The following RAB31 variants were observed in gnomAD, a reference collection of about 807,000 sequenced individuals.
RAB31 encodes the protein RAB31, member RAS oncogene family.
Under a neutral mutation model 25.6 loss-of-function variants are expected in RAB31, and 21 were observed. The ratio of observed to expected loss-of-function variants is 0.82; its 90% CI spans 0.58 to 1.18. The LOEUF (loss-of-function observed/expected upper bound fraction) is 1.18. RAB31 is among the 50% of genes most tolerant of loss of function. The probability of loss-of-function intolerance (pLI) is 0.00; values close to 1 mark genes in which losing one functional copy is unlikely to be tolerated. For missense variants in RAB31, 196 were observed against 250.1 expected (o/e 0.78, Z 1.46); for synonymous variants, 87 against 84.0 (o/e 1.04, Z -0.20).
chr18:9,851,843 A>G (rs1462158304), intron 6 of RAB31, among the ~76,000 whole-genome samples: 2 of 152,062 alleles, frequency 1.3e-5, no homozygotes, highest in South Asian at 2.1e-4. Context: ...ATTTCACAAT[A>G]TATCTCATAT....
At chr18:9,802,432 T>C (rs1221370574) in intron 3 of RAB31, among the ~76,000 whole-genome samples, 1 of 152,172 alleles carries the variant, frequency 6.6e-6, no homozygotes, top group East Asian at 1.9e-4. Flanking sequence ...CCCAGTACTT[T>C]GGGAGGCCAA....
At chr18:9,761,607 A>G (rs1035404486) in intron 1 of RAB31, among the ~76,000 whole-genome samples, 6 of 152,112 alleles carry the variant, frequency 3.9e-5, no homozygotes, top group Non-Finnish European at 8.8e-5. Flanking sequence ...TCATGATGGA[A>G]CCGGGGCAGG....
At chr18:9,712,727 TGC>T (rs1186764155) in intron 1 of RAB31, among the ~76,000 whole-genome samples, 5 of 820 alleles carry the variant, frequency 6.1e-3, no homozygotes, top group East Asian at 0.12. Context: ...GGTATTTGTG[TGC>T]GTGCACTTAA....
intron 3 of RAB31, among the ~76,000 whole-genome samples, chr18:9,796,265 C>T (rs80041781): frequency 0.014 from 2,102 of 152,226 alleles, 47 homozygotes; most frequent in African/African-American, 0.048. Context: ...AAAAACTACA[C>T]ACTGGGTACA....
chr18:9,718,374 G>A (rs750578421), intron 1 of RAB31, among the ~76,000 whole-genome samples: 6 of 151,934 alleles, frequency 3.9e-5, no homozygotes, highest in Non-Finnish European at 5.9e-5. Context: ...GTTCTCTTGC[G>A]TCAGCCTCCC....
At chr18:9,849,046 C>G (rs1163264435) in intron 6 of RAB31, among the ~76,000 whole-genome samples, 1 of 152,128 alleles carries the variant, frequency 6.6e-6, no homozygotes, top group African/African-American at 2.4e-5. Flanking sequence ...TCCAGGCACC[C>G]TTTTCTAAAT....
intron 1 of RAB31, among the ~76,000 whole-genome samples, chr18:9,718,976 T>C (rs561699906): frequency 4.6e-5 from 7 of 152,006 alleles, no homozygotes; most frequent in Admixed American, 4.6e-4. Flanking sequence ...TGCATGCTAA[T>C]TACAATTTGA....
At chr18:9,737,771 G>A (rs914699298) in intron 1 of RAB31, among the ~76,000 whole-genome samples, 3 of 152,206 alleles carry the variant, frequency 2.0e-5, no homozygotes, top group African/African-American at 7.2e-5. Flanking sequence ...CTCAAGTAAT[G>A]ATGGTTGGTT....
At position 9,792,230 on chromosome 18, in the gene RAB31, G is replaced by T; in HGVS notation, c.196G>T (p.Glu66Ter). 1 of 1,611,142 alleles carries T rather than the reference G, an allele frequency of 6.2e-7. No individual in the cohort carries two copies. The highest frequency in any genetic ancestry group is 1.1e-5 in the South Asian group (1 of 90,198). ...KFLIWDTAGQ[E>*]RFHSLAPMYY... ...CCTCATCTGGGACACTGCTGGTCAG[G>T]AACGGGTGAGTATATGCTGTTTTTT... The change falls in exon 3 of 7, where the codon GAA (glutamate) becomes TAA (stop). Residue 66 changes from glutamate to a stop codon, truncating the protein, a stop_gained. Coordinates refer to ENST00000578921, the MANE Select transcript of RAB31 (RefSeq NM_006868.4). LOFTEE classifies it high-confidence loss of function.
At chr18:9,711,342 C>A (rs1490644852) in intron 1 of RAB31, among the ~76,000 whole-genome samples, 1 of 151,996 alleles carries the variant, frequency 6.6e-6, no homozygotes, top group Non-Finnish European at 1.5e-5. Context: ...CCCTGTGGAT[C>A]AGTCAGTGCT....
chr18:9,789,248 A>G (rs1036327872), intron 2 of RAB31, among the ~76,000 whole-genome samples: 1 of 152,202 alleles, frequency 6.6e-6, no homozygotes, highest in African/African-American at 2.4e-5. Context: ...AGGGAAGGAT[A>G]GGGAGAGCTT....
chr18:9,791,533 G>A (rs2068459991), intron 2 of RAB31, among the ~76,000 whole-genome samples: 1 of 151,498 alleles, frequency 6.6e-6, no homozygotes, highest in Admixed American at 6.6e-5. Flanking sequence ...AAGTAGCTGG[G>A]ACTACAGGCA....
chr18:9,824,448 ATG>A (rs1186512832), intron 5 of RAB31, among the ~76,000 whole-genome samples: 4 of 151,132 alleles, frequency 2.6e-5, no homozygotes, highest in East Asian at 1.9e-4. Flanking sequence ...GTGTGTGTAG[ATG>A]TGTGTGTGTA....
intron 5 of RAB31, among the ~76,000 whole-genome samples, chr18:9,843,506 A>G (rs969435044): frequency 1.5e-5 from 2 of 137,292 alleles, no homozygotes; most frequent in African/African-American, 2.8e-5. Flanking sequence ...AGATCATGCC[A>G]CTGCACTCCA....
chr18:9,785,888 C>T (rs963129099), intron 2 of RAB31, among the ~76,000 whole-genome samples: 1 of 152,142 alleles, frequency 6.6e-6, no homozygotes, highest in African/African-American at 2.4e-5. Context: ...TGGTGAAACC[C>T]CTTCTCTACT....
chr18:9,771,410 C>T (rs2068344311), intron 1 of RAB31, among the ~76,000 whole-genome samples: 3 of 152,188 alleles, frequency 2.0e-5, no homozygotes, highest in African/African-American at 7.2e-5. Context: ...GGGTTTCCGT[C>T]AGTGTGGCCC....
At chr18:9,742,361 T>G (rs1021412120) in intron 1 of RAB31, among the ~76,000 whole-genome samples, 1 of 152,122 alleles carries the variant, frequency 6.6e-6, no homozygotes, top group African/African-American at 2.4e-5. Flanking sequence ...CTCCCATTTG[T>G]CTGGGCGGAT....
At chr18:9,711,483 C>A (rs955517637) in intron 1 of RAB31, among the ~76,000 whole-genome samples, 2 of 152,226 alleles carry the variant, frequency 1.3e-5, no homozygotes, top group African/African-American at 4.8e-5. Flanking sequence ...GGTGATCCTC[C>A]CACCTCAGCC....
At chr18:9,775,495 G>C (rs1378670191) in intron 2 of RAB31, 138 bp downstream of exon 2, 1 of 1,453,484 alleles carries the variant, frequency 6.9e-7, no homozygotes, top group South Asian at 1.4e-5. Context: ...GCTGTAGACC[G>C]ACAGAAATTC....
Sources: gnomAD v4.1 joint callset for allele counts (sites outside exome capture counted in the v4.1 genomes callset) on GRCh38, gnomAD v4.1.1 for gene constraint, MANE v1.5 for transcripts, NCBI Gene and HGNC (gene_info 2026-07-23, HGNC 2026-07-21) for gene names.